Variants in KAZN observed in about 807,000 individuals in gnomAD.
KAZN encodes the protein kazrin.
A neutral mutation model predicts 87.4 loss-of-function variants in KAZN; 40 were observed. The ratio of observed to expected loss-of-function variants is 0.46; its 90% CI spans 0.36 to 0.60. The LOEUF is 0.60. KAZN is among the 20% of genes least tolerant of loss of function. The pLI is 0.00. For missense variants in KAZN, 898 were observed against 1,073.9 expected (o/e 0.84, Z 2.29); for synonymous variants, 466 against 458.3 (o/e 1.02, Z -0.22).
At position 15,104,136 on chromosome 1, in the gene KAZN, C is replaced by T; in HGVS notation, c.1995C>T (p.His665=). The change falls in exon 13 of 15, where the codon CAC becomes CAT. Residue 665 remains histidine, a synonymous_variant. Transcript: ENST00000376030. ...ATALGIPSGK[H]ILRRHLAEEM... is the part of the protein sequence containing the mutation. ...CCCTGGGCATCCCCAGTGGGAAGCA[C>T]ATCCTCCGGAGACACCTGGCAGAGG... 1 of 1,607,262 alleles carries T rather than the reference C, an allele frequency of 6.2e-7. No homozygotes were observed. The highest frequency in any genetic ancestry group is 8.5e-7 in the Non-Finnish European group (1 of 1,177,188).
chr1:15,112,063 T>C (rs534723419), intron 13 of KAZN: 2 of 233,562 alleles, frequency 8.6e-6, no homozygotes, highest in East Asian at 9.5e-5. Context: ...CTGGAGTCTG[T>C]TGCAGTAAGG....
chr1:14,263,515 T>G (rs1055351191), intron 2 of KAZN, among the ~76,000 whole-genome samples: 1 of 152,206 alleles, frequency 6.6e-6, no homozygotes. Context: ...CTGGCAACCC[T>G]GAGCTTCTCT....
chr1:14,507,176 G>A (rs1463974523), intron 2 of KAZN, among the ~76,000 whole-genome samples: 1 of 152,172 alleles, frequency 6.6e-6, no homozygotes. Context: ...TGTGGGCCAG[G>A]TCCTTATTTT....
At chr1:14,159,196 TG>T (rs1645658852) in intron 1 of KAZN, among the ~76,000 whole-genome samples, 2 of 152,198 alleles carry the variant, frequency 1.3e-5, no homozygotes, top group Non-Finnish European at 2.9e-5. Context: ...TTCAAGGTGA[TG>T]AGTTCCCCCA....
At chr1:13,988,954 A>T (rs1039066233) in intron 1 of KAZN, among the ~76,000 whole-genome samples, 6 of 152,118 alleles carry the variant, frequency 3.9e-5, no homozygotes, top group Non-Finnish European at 5.9e-5. Flanking sequence ...AAAACCTGGG[A>T]CTGGGTAATT....
At chr1:14,140,094 C>T (rs904800451) in intron 1 of KAZN, among the ~76,000 whole-genome samples, 2 of 151,962 alleles carry the variant, frequency 1.3e-5, no homozygotes, top group African/African-American at 4.8e-5. Context: ...TGTAGAGAGG[C>T]AGGTGTCAAA....
intron 2 of KAZN, among the ~76,000 whole-genome samples, chr1:15,033,500 T>A (rs1450903547): frequency 6.6e-6 from 1 of 152,240 alleles, no homozygotes; most frequent in African/African-American, 2.4e-5. Context: ...ATCAGACTTT[T>A]CCAAAAGCAG....
intron 1 of KAZN, among the ~76,000 whole-genome samples, chr1:14,699,079 T>C (rs963775930): frequency 3.3e-5 from 5 of 152,098 alleles, no homozygotes; most frequent in Non-Finnish European, 1.5e-5. Flanking sequence ...AGTAAAGAAC[T>C]CCTGGATACC....
chr1:15,051,792 A>G (rs747331530), intron 4 of KAZN, among the ~76,000 whole-genome samples: 9 of 152,236 alleles, frequency 5.9e-5, no homozygotes, highest in Non-Finnish European at 1.0e-4. Flanking sequence ...TGCTGCTTAC[A>G]TAAACATGGT....
intron 1 of KAZN, among the ~76,000 whole-genome samples, chr1:14,852,740 A>T (rs1353073641): frequency 6.6e-6 from 1 of 152,174 alleles, no homozygotes; most frequent in Non-Finnish European, 1.5e-5. Flanking sequence ...AGCTTCTATA[A>T]TCAGAAATAT....
chr1:15,036,310 C>T (rs1307470247), intron 3 of KAZN, among the ~76,000 whole-genome samples: 1 of 145,736 alleles, frequency 6.9e-6, no homozygotes, highest in East Asian at 2.0e-4. Flanking sequence ...CGCCCAGCTC[C>T]CTCTGCCTAG....
intron 2 of KAZN, among the ~76,000 whole-genome samples, chr1:14,460,511 G>A (rs1457716178): frequency 6.6e-6 from 1 of 152,150 alleles, no homozygotes; most frequent in Non-Finnish European, 1.5e-5. Flanking sequence ...ACTCATCTTA[G>A]ACCCCAAACA....
chr1:14,344,308 A>C (rs7513436), intron 2 of KAZN, among the ~76,000 whole-genome samples: 91,747 of 151,050 alleles, frequency 0.61, 28,492 homozygotes, highest in African/African-American at 0.68. Flanking sequence ...TAAAATACAC[A>C]TCTGATTTTA....
chr1:14,030,087 T>C (rs1178557812), intron 1 of KAZN, among the ~76,000 whole-genome samples: 2 of 151,842 alleles, frequency 1.3e-5, no homozygotes, highest in Non-Finnish European at 2.9e-5. Context: ...TTTCACGATA[T>C]TGATTCTTCC....
chr1:14,717,924 G>A (rs978771242), intron 1 of KAZN, among the ~76,000 whole-genome samples: 1 of 152,214 alleles, frequency 6.6e-6, no homozygotes, highest in Admixed American at 6.5e-5. Context: ...CTTGCCTGCT[G>A]TTCCCAGCCT....
intron 1 of KAZN, among the ~76,000 whole-genome samples, chr1:14,620,626 C>G (rs1329710492): frequency 6.6e-6 from 1 of 152,026 alleles, no homozygotes. Context: ...CTGAAAATAC[C>G]AAGAAGTTTG....
At chr1:14,167,090 G>C (rs1303459343) in intron 1 of KAZN, among the ~76,000 whole-genome samples, 1 of 152,224 alleles carries the variant, frequency 6.6e-6, no homozygotes, top group Non-Finnish European at 1.5e-5. Flanking sequence ...AAAGGAAGGG[G>C]AACTGGACCC....
chr1:14,749,840 C>G (rs1644363723), intron 1 of KAZN, among the ~76,000 whole-genome samples: 1 of 152,056 alleles, frequency 6.6e-6, no homozygotes, highest in Admixed American at 6.5e-5. Flanking sequence ...CCTCAGTTTC[C>G]TCATTTGTCA....
At chr1:14,882,345 G>A (rs753560107) in intron 1 of KAZN, among the ~76,000 whole-genome samples, 32 of 152,164 alleles carry the variant, frequency 2.1e-4, no homozygotes, top group Non-Finnish European at 3.8e-4. Context: ...ATGACTCAGC[G>A]GCAGTAACAT....
Sources: gnomAD v4.1 joint callset for allele counts (sites outside exome capture counted in the v4.1 genomes callset) on GRCh38, gnomAD v4.1.1 for gene constraint, MANE v1.5 for transcripts, NCBI Gene and HGNC (gene_info 2026-07-23, HGNC 2026-07-21) for gene names.